The following CBLN2 variants were observed in gnomAD, a reference collection of about 807,000 sequenced individuals.
CBLN2 encodes the protein cerebellin 2 precursor.
CBLN2 carries 7 observed loss-of-function variants against 15.0 expected under a neutral mutation model. The ratio of observed to expected loss-of-function variants is 0.47; its 90% CI spans 0.27 to 0.88. The LOEUF (loss-of-function observed/expected upper bound fraction) is 0.88, where lower values mean the gene tolerates loss of function less well. CBLN2 is among the 40% of genes least tolerant of loss of function. The pLI, the probability that CBLN2 is intolerant of heterozygous loss-of-function variation, is 0.14. For synonymous variants in CBLN2, 149 were observed against 135.2 expected (o/e 1.10, Z -0.71); for missense variants, 242 against 304.5 (o/e 0.79, Z 1.53).
chr18:72,541,651 T>C (rs1361229178), intron 3 of CBLN2, among the ~76,000 whole-genome samples, 153 bp downstream of exon 3: 1 of 152,054 alleles, frequency 6.6e-6, no homozygotes, highest in Non-Finnish European at 1.5e-5. Flanking sequence ...TAGGAGTGCG[T>C]TCTATGAAAC....
intron 3 of CBLN2, among the ~76,000 whole-genome samples, chr18:72,540,870 C>T (rs371042855): frequency 6.6e-6 from 1 of 152,174 alleles, no homozygotes. Context: ...CTGCCAGGCG[C>T]CCCATTCCGT....
chr18:72,599,887 A>G lies in CBLN2; in HGVS notation c.15+38438T>C, dbSNP rs547266051. The stretch of plus-strand genomic sequence containing the variant: ...TGAGAGTTACCTCCTCAGTGTCTCA[A>G]TTTTCCCAGTGAGAGGTGATGGTCT... On this transcript the variant is annotated intron_variant, in intron 1 of 2. Transcript: ENST00000581073. 5.3e-5 allele frequency among the ~76,000 whole-genome samples: 8 copies of G among 152,244 alleles called. No homozygotes were observed. In the East Asian group the frequency reaches 9.7e-4, roughly 18 times the overall value.
intron 1 of CBLN2, among the ~76,000 whole-genome samples, chr18:72,604,475 TAG>T (rs2069570184): frequency 6.6e-6 from 1 of 152,224 alleles, no homozygotes; most frequent in African/African-American, 2.4e-5. Flanking sequence ...TTCTGTGTTT[TAG>T]GCAACACACA....
At chr18:72,540,481 T>C (rs1348636515) in intron 3 of CBLN2, among the ~76,000 whole-genome samples, 2 of 152,142 alleles carry the variant, frequency 1.3e-5, no homozygotes, top group Non-Finnish European at 2.9e-5. Context: ...GATATAAAAA[T>C]GCTATGAAAA....
intron 1 of CBLN2, among the ~76,000 whole-genome samples, chr18:72,560,277 G>T (rs367948269): frequency 6.6e-6 from 1 of 152,188 alleles, no homozygotes; most frequent in South Asian, 2.1e-4. Flanking sequence ...ATCTGTGCAC[G>T]TAGGAAAATA....
At chr18:72,578,061 C>T (rs373271810) in intron 1 of CBLN2, among the ~76,000 whole-genome samples, 11 of 152,102 alleles carry the variant, frequency 7.2e-5, no homozygotes, top group Admixed American at 1.3e-4. Context: ...AGGGAATCGG[C>T]GACTAAGTTC....
chr18:72,570,282 GT>G (rs34368162), intron 1 of CBLN2, among the ~76,000 whole-genome samples: 30,103 of 133,498 alleles, frequency 0.23, 5,965 homozygotes, highest in African/African-American at 0.55. Flanking sequence ...TTTCTTTCTG[GT>G]TTTTTTTTTT....
intron 1 of CBLN2, among the ~76,000 whole-genome samples, chr18:72,580,971 C>G (rs1472670095): frequency 6.6e-6 from 1 of 152,166 alleles, no homozygotes; most frequent in Non-Finnish European, 1.5e-5. Context: ...CAGTATTCCG[C>G]TAAGCCAGTT....
chr18:72,566,355 A>G (rs150852268), intron 1 of CBLN2, among the ~76,000 whole-genome samples: 4 of 152,350 alleles, frequency 2.6e-5, no homozygotes, highest in African/African-American at 9.6e-5. Flanking sequence ...TGTCAGAGAC[A>G]TTTGCACTCT....
upstream of CBLN2, among the ~76,000 whole-genome samples, chr18:72,545,355 T>C (rs1598991219): frequency 6.6e-6 from 1 of 152,374 alleles, no homozygotes; most frequent in East Asian, 1.9e-4. Context: ...AAATGCTTCC[T>C]GGTTAACCTA....
intron 1 of CBLN2, among the ~76,000 whole-genome samples, chr18:72,561,441 T>A (rs529578793): frequency 1.3e-5 from 2 of 152,292 alleles, no homozygotes; most frequent in South Asian, 2.1e-4. Flanking sequence ...CTTTAACACA[T>A]CTTTATTTTA....
At chr18:72,619,552 G>A (rs147034367) in intron 1 of CBLN2, among the ~76,000 whole-genome samples, 273 of 152,132 alleles carry the variant, frequency 1.8e-3, no homozygotes, top group African/African-American at 5.9e-3. Context: ...GAATAAACGC[G>A]TCTTAAAAAA....
chr18:72,542,032 C>T lies in CBLN2; in HGVS notation c.129G>A (p.Leu43=), dbSNP rs1441610832. 1 of 1,592,596 alleles carries T rather than the reference C, an allele frequency of 6.3e-7. No homozygotes were observed. The change falls in exon 3 of 5, where the codon CTG becomes CTA. Residue 43 remains leucine (L), a synonymous_variant. Coordinates refer to ENST00000269503, the MANE Select transcript of CBLN2 (RefSeq NM_182511.4). ...GVALALLLLL[L]PACCPVRAQN... ...GCGCCCGCACGGGGCAGCAGGCGGG[C>T]AGTAGCAGCAACAGCAGGGCCAGCG... is the stretch of plus-strand genomic sequence containing the variant.
At chr18:72,625,816 C>CTATATATATA (rs1330243296) in intron 1 of CBLN2, among the ~76,000 whole-genome samples, 4 of 61,624 alleles carry the variant, frequency 6.5e-5, no homozygotes, top group Admixed American at 6.1e-4. Flanking sequence ...CTCTCTCTCT[C>CTATATATATA]TCTATATATA....
In CBLN2 at chr18:72,585,885, T is replaced by C. The variant is rs570833553; in HGVS notation, c.16-47113A>G. On this transcript the variant is annotated intron_variant, in intron 1 of 2. Transcript: ENST00000581073. Reference sequence around the variant, plus strand: ...TGGCATGTCAGCACCACCCCAAGTGTGTGCCCACATGGCCAGCTTGCAACA... The same window carrying C: ...TGGCATGTCAGCACCACCCCAAGTGCGTGCCCACATGGCCAGCTTGCAACA... Among the ~76,000 whole-genome samples, 4 of 152,360 alleles carry C rather than the reference T, an allele frequency of 2.6e-5. No homozygotes were observed. In the East Asian group the frequency reaches 7.7e-4, roughly 29 times the overall value.
At chr18:72,605,941 T>G (rs2069580859) in intron 1 of CBLN2, among the ~76,000 whole-genome samples, 1 of 152,186 alleles carries the variant, frequency 6.6e-6, no homozygotes, top group African/African-American at 2.4e-5. Context: ...ACCCTAAATA[T>G]ATTTAAAGAA....
chr18:72,616,813 T>C (rs1170240000), intron 1 of CBLN2, among the ~76,000 whole-genome samples: 1 of 152,208 alleles, frequency 6.6e-6, no homozygotes, highest in Non-Finnish European at 1.5e-5. Context: ...GCAATTCGTC[T>C]TGTGTTTCTG....
chr18:72,600,588 G>T (rs1364176687), intron 1 of CBLN2, among the ~76,000 whole-genome samples: 2 of 152,166 alleles, frequency 1.3e-5, no homozygotes, highest in African/African-American at 2.4e-5. Context: ...GGCCTGGAAG[G>T]ATATGGAAGG....
chr18:72,568,812 A>G (rs1054887240), intron 1 of CBLN2, among the ~76,000 whole-genome samples: 6 of 152,212 alleles, frequency 3.9e-5, no homozygotes, highest in African/African-American at 1.4e-4. Context: ...AAGTGCTACA[A>G]TGCAGGGTTT....
Sources: allele counts gnomAD v4.1 joint callset (sites outside exome capture counted in the v4.1 genomes callset), GRCh38; gene constraint gnomAD v4.1.1; transcripts MANE v1.5; gene names NCBI Gene and HGNC (gene_info 2026-07-23, HGNC 2026-07-21).